The following NUBPL variants were observed in gnomAD, a reference collection of about 807,000 sequenced individuals.
The protein encoded by NUBPL is iron-sulfur cluster transfer protein NUBPL.
In NUBPL, 31 loss-of-function variants were observed where a neutral mutation model predicts 45.7. The ratio of observed to expected loss-of-function variants is 0.68; its 90% CI spans 0.51 to 0.92. The LOEUF (loss-of-function observed/expected upper bound fraction) is 0.92, where lower values mean the gene tolerates loss of function less well. Ranked by LOEUF, NUBPL falls within the 40% of genes least tolerant of loss-of-function variation. The probability of loss-of-function intolerance (pLI) is 0.00; values close to 1 mark genes in which losing one functional copy is unlikely to be tolerated. For synonymous variants in NUBPL, 144 were observed against 140.9 expected (o/e 1.02, Z -0.15); for missense variants, 401 against 398.7 (o/e 1.01, Z -0.05).
intron 4 of NUBPL, among the ~76,000 whole-genome samples, chr14:31,651,737 A>G (rs889922641): frequency 3.3e-5 from 5 of 152,058 alleles, no homozygotes; most frequent in East Asian, 1.9e-4. Context: ...TCTCTACTAA[A>G]AATACAAAAA....
At chr14:31,707,513 C>G (rs978221438) in intron 6 of NUBPL, among the ~76,000 whole-genome samples, 1 of 152,244 alleles carries the variant, frequency 6.6e-6, no homozygotes, top group Middle Eastern at 3.4e-3. Context: ...CTCTGGTTCT[C>G]TCCTTGATTA....
At chr14:31,715,687 G>A (rs978714122) in intron 6 of NUBPL, among the ~76,000 whole-genome samples, 1 of 152,214 alleles carries the variant, frequency 6.6e-6, no homozygotes, top group African/African-American at 2.4e-5. Flanking sequence ...TTGCAGGACT[G>A]AAAGTTGCTG....
At chr14:31,854,909 T>C (rs1226075781) in intron 10 of NUBPL, among the ~76,000 whole-genome samples, 1 of 152,226 alleles carries the variant, frequency 6.6e-6, no homozygotes, top group Non-Finnish European at 1.5e-5. Flanking sequence ...TTTTGAGAAA[T>C]TGAAACTGTT....
chr14:31,833,879 A>G (rs1246935094), intron 8 of NUBPL, among the ~76,000 whole-genome samples: 6 of 152,206 alleles, frequency 3.9e-5, no homozygotes, highest in Non-Finnish European at 8.8e-5. Context: ...CACATGTCAT[A>G]TCTCTCAAGA....
intron 5 of NUBPL, 27 bp downstream of exon 5, chr14:31,673,421 A>G: frequency 1.2e-6 from 2 of 1,605,828 alleles, no homozygotes; most frequent in Non-Finnish European, 1.7e-6. Flanking sequence ...TTTTAATGTT[A>G]CTTTTCAGAA....
At chr14:31,790,478 T>C (rs1370282427) in intron 7 of NUBPL, among the ~76,000 whole-genome samples, 1 of 152,194 alleles carries the variant, frequency 6.6e-6, no homozygotes, top group Non-Finnish European at 1.5e-5. Flanking sequence ...TAATAATATA[T>C]TGGCATTGTT....
chr14:31,689,228 T>C (rs992102804), intron 6 of NUBPL, among the ~76,000 whole-genome samples: 2 of 152,214 alleles, frequency 1.3e-5, no homozygotes, highest in African/African-American at 4.8e-5. Flanking sequence ...TTTAGCTCTT[T>C]GAAGAATCAC....
chr14:31,824,872 C>T (rs1324719327), intron 7 of NUBPL, among the ~76,000 whole-genome samples: 4 of 152,110 alleles, frequency 2.6e-5, no homozygotes, highest in Non-Finnish European at 5.9e-5. Context: ...AGGTGATGGT[C>T]AGCCATGTGA....
chr14:31,621,491 G>A (rs1027301932), intron 4 of NUBPL, among the ~76,000 whole-genome samples: 51 of 152,196 alleles, frequency 3.4e-4, no homozygotes, highest in Admixed American at 3.2e-3. Flanking sequence ...GGGCTGGAGT[G>A]CACAGTTCCT....
At chr14:31,801,842 C>T (rs2039596368) in intron 7 of NUBPL, among the ~76,000 whole-genome samples, 2 of 152,326 alleles carry the variant, frequency 1.3e-5, no homozygotes, top group East Asian at 3.9e-4. Context: ...GTACAGGACA[C>T]AGCTAGACAG....
chr14:31,609,366 A>G (rs1407880072), intron 4 of NUBPL, among the ~76,000 whole-genome samples: 1 of 152,200 alleles, frequency 6.6e-6, no homozygotes, highest in Non-Finnish European at 1.5e-5. Flanking sequence ...CAATGCAGCA[A>G]GAGGATATAA....
chr14:31,850,108 G>T lies in NUBPL; in HGVS notation c.815-11G>T. On this transcript the variant is annotated splice_polypyrimidine_tract_variant and intron_variant, in intron 9 of 10. Transcript: ENST00000281081. Reference sequence around the variant, plus strand: ...TTCTGGTTCTAATGGATGTCTGCTGGGCTCTTTTAGGAGACATTCCCTTAC... The same window carrying T: ...TTCTGGTTCTAATGGATGTCTGCTGTGCTCTTTTAGGAGACATTCCCTTAC... 6.2e-6 allele frequency: 10 copies of T among 1,606,768 alleles called. No homozygotes were observed. Among genetic ancestry groups the T allele is most frequent in the Non-Finnish European group, 8.5e-6 (10 of 1,173,498 alleles).
chr14:31,698,127 G>A (rs1595509328), intron 6 of NUBPL, among the ~76,000 whole-genome samples: 2 of 152,064 alleles, frequency 1.3e-5, no homozygotes, highest in South Asian at 4.1e-4. Flanking sequence ...CTCTGAAATT[G>A]GAGAGTATTT....
Position 31,570,103 on chromosome 14 carries a change from C to A in NUBPL, c.291+5055C>A, listed in dbSNP as rs982019603. Reference sequence around the variant, plus strand: ...ACCTCTAACACTCATTGCCAGACACCGGCAGAAAGTAAAGAAGAATAAACA... The same window carrying A: ...ACCTCTAACACTCATTGCCAGACACAGGCAGAAAGTAAAGAAGAATAAACA... On this transcript the variant is annotated intron_variant, in intron 3 of 10. Transcript: ENST00000281081. Among the ~76,000 whole-genome samples, 8 of 152,100 alleles carry A rather than the reference C, an allele frequency of 5.3e-5. No homozygotes were observed. In the South Asian group the frequency reaches 1.7e-3, roughly 32 times the overall value.
At chr14:31,789,389 A>T (rs748810849) in intron 7 of NUBPL, among the ~76,000 whole-genome samples, 7 of 152,114 alleles carry the variant, frequency 4.6e-5, no homozygotes, top group African/African-American at 7.2e-5. Flanking sequence ...GGTAAATACA[A>T]CTATGGGAGA....
chr14:31,809,385 C>T lies in NUBPL; in HGVS notation c.608-17244C>T, dbSNP rs564176227. Reference sequence around the variant, plus strand: ...CAGGAATTTATCCATTTCTTCTAGACTTTCTAGTTTATTTCTGTAGAGGTG... The same window carrying T: ...CAGGAATTTATCCATTTCTTCTAGATTTTCTAGTTTATTTCTGTAGAGGTG... On this transcript the variant is annotated intron_variant, in intron 7 of 10. Coordinates refer to ENST00000281081, the MANE Select transcript of NUBPL (RefSeq NM_025152.3). Among the ~76,000 whole-genome samples the T allele has an allele frequency of 2.0e-5, 3 of 152,162 alleles. No individual in the cohort carries two copies. In the South Asian group the frequency reaches 6.2e-4, roughly 32 times the overall value.
intron 3 of NUBPL, among the ~76,000 whole-genome samples, chr14:31,569,875 T>C (rs1360207092): frequency 6.6e-6 from 1 of 152,206 alleles, no homozygotes; most frequent in Non-Finnish European, 1.5e-5. Flanking sequence ...ATCTTATTTT[T>C]TGATTTTTCT....
chr14:31,774,145 G>C (rs1394417623), intron 6 of NUBPL, among the ~76,000 whole-genome samples: 2 of 152,306 alleles, frequency 1.3e-5, no homozygotes, highest in Middle Eastern at 3.4e-3. Flanking sequence ...TTTCTTCCCT[G>C]ATTCTGTGTG....
intron 6 of NUBPL, among the ~76,000 whole-genome samples, chr14:31,738,945 A>G (rs2038217876): frequency 6.6e-6 from 1 of 151,930 alleles, no homozygotes; most frequent in South Asian, 2.1e-4. Flanking sequence ...CTTGAAGAAT[A>G]TGTCTATTAT....
Sources: allele counts gnomAD v4.1 joint callset (sites outside exome capture counted in the v4.1 genomes callset), GRCh38; gene constraint gnomAD v4.1.1; transcripts MANE v1.5; gene names NCBI Gene and HGNC (gene_info 2026-07-23, HGNC 2026-07-21).